The following FCER2 variants were observed in gnomAD, a reference collection of about 807,000 sequenced individuals.
The protein encoded by FCER2 is Fc epsilon receptor II, also known as low affinity immunoglobulin epsilon Fc receptor.
Under a neutral mutation model 49.7 loss-of-function variants are expected in FCER2, and 38 were observed. That is an observed-to-expected ratio of 0.76 (90% confidence interval 0.59 to 1.00). FCER2 has a LOEUF of 1.00. FCER2 is among the 50% of genes least tolerant of loss of function. FCER2 has a pLI of 0.00. For missense variants in FCER2, 425 were observed against 419.5 expected (o/e 1.01, Z -0.11); for synonymous variants, 163 against 164.6 (o/e 0.99, Z 0.07).
At position 7,702,130 on chromosome 19, in the gene FCER2, C is replaced by T. The variant is rs2033165452; in HGVS notation, c.-201G>A. The T allele has an allele frequency of 6.6e-6, 1 of 152,132 alleles. No individual in the cohort carries two copies. The highest frequency in any genetic ancestry group is 2.4e-5 in the African/African-American group (1 of 41,406). 9.4% of individuals were successfully genotyped at this position (152,132 alleles called of 1,614,324 possible). A position where few individuals can be genotyped will look rare whatever the true frequency, so the allele number is the denominator to read the frequency against. ...TAAGCAGGAAGAGAGACACTTTCTT[C>T]TGAAAGTAGAGCCACTGACAGCTTC... On this transcript the variant is annotated 5_prime_UTR_variant, in exon 1 of 11. Transcript: ENST00000597921.
Position 7,696,869 on chromosome 19 carries a change from C to G in FCER2, c.425G>C (p.Arg142Pro). 3 of 1,587,412 alleles carry G rather than the reference C, an allele frequency of 1.9e-6. No homozygotes were observed. Among genetic ancestry groups the G allele is most frequent in the Non-Finnish European group, 2.6e-6 (3 of 1,166,112 alleles). Reference sequence around the variant, plus strand: ...CATCCTTAGCTTTGTCACCTCCTCCCGGAGTCTTTCCAGCAAATCTGAAGC... The same window carrying G: ...CATCCTTAGCTTTGTCACCTCCTCCGGGAGTCTTTCCAGCAAATCTGAAGC... ...NEASDLLERL[R>P]EEVTKLRMEL... Residue 142 changes from arginine to proline, a missense_variant, in exon 8 of 11, where the codon CGG (arginine) becomes CCG (proline). By Grantham distance (103) the Arg-to-Pro change is moderately radical. Transcript: ENST00000597921.
intron 8 of FCER2, among the ~76,000 whole-genome samples, chr19:7,691,552 C>G (rs2032871577): frequency 6.6e-6 from 1 of 152,148 alleles, no homozygotes; most frequent in East Asian, 1.9e-4. Context: ...CCACAGCCAG[C>G]AGCACCTCAG....
At chr19:7,695,621 A>C (rs572625411) in intron 8 of FCER2, among the ~76,000 whole-genome samples, 3 of 151,960 alleles carry the variant, frequency 2.0e-5, no homozygotes, top group Non-Finnish European at 2.9e-5. Flanking sequence ...ACAAAAAATA[A>C]AAAAATTAGC....
chr19:7,693,041 A>G (rs183082798), intron 8 of FCER2, among the ~76,000 whole-genome samples: 1 of 152,266 alleles, frequency 6.6e-6, no homozygotes, highest in East Asian at 1.9e-4. Flanking sequence ...TAACAGAGGT[A>G]CCCACCACCA....
chr19:7,698,966 A>C (rs1466171894), intron 2 of FCER2, 112 bp from the exon 3 acceptor site: 2 of 1,152,876 alleles, frequency 1.7e-6, no homozygotes, highest in East Asian at 2.6e-5. Flanking sequence ...TCCAGAGCCC[A>C]CACTGAAGCA....
At chr19:7,701,069 C>G (rs2033143117) in intron 1 of FCER2, among the ~76,000 whole-genome samples, 1 of 152,182 alleles carries the variant, frequency 6.6e-6, no homozygotes, top group Non-Finnish European at 1.5e-5. Context: ...CTCAGCCTCC[C>G]AAAGTGCTAG....
intron 3 of FCER2, 102 bp from the exon 4 acceptor site, chr19:7,698,511 C>T: frequency 9.6e-7 from 1 of 1,037,302 alleles, no homozygotes; most frequent in Non-Finnish European, 1.5e-6. Flanking sequence ...TGGGTATAAG[C>T]CATGGAGGTG....
At chr19:7,696,983 C>T (rs1418336340) in intron 7 of FCER2, 30 bp downstream of exon 7, 2 of 1,566,018 alleles carry the variant, frequency 1.3e-6, no homozygotes, top group South Asian at 1.2e-5. Flanking sequence ...CGTTCCCTCC[C>T]CCACTGCCCC....
chr19:7,696,360 C>G (rs2146277081), intron 8 of FCER2, among the ~76,000 whole-genome samples: 1 of 152,208 alleles, frequency 6.6e-6, no homozygotes, highest in East Asian at 1.9e-4. Context: ...CTCGACCTCC[C>G]TAAGTGCTGG....
intron 10 of FCER2, among the ~76,000 whole-genome samples, chr19:7,689,812 T>C (rs1044119164): frequency 6.6e-6 from 1 of 151,842 alleles, no homozygotes; most frequent in African/African-American, 2.4e-5. Context: ...TAGAGAGGGG[T>C]TTCGCCATGT....
rs73921522 is a variant in FCER2 at position 7,690,145 on chromosome 19, G to A, written c.728+14C>T. 8,880 of 1,525,216 alleles carry A rather than the reference G, an allele frequency of 5.8e-3. 108 individuals are homozygous for A. The highest frequency in any genetic ancestry group is 0.037 in the Middle Eastern group (216 of 5,870). The allele number at this position is 1,525,216 out of a possible 1,614,324, so 94.5% of individuals were successfully genotyped here. On this transcript the variant is annotated intron_variant, in intron 10 of 10. Transcript: ENST00000597921. Reference sequence around the variant, plus strand: ...TCCATCTCCTCCCCTGGATCCCAGAGGCCCCCTCCTCACCTGTAGTCCACG... The same window carrying A: ...TCCATCTCCTCCCCTGGATCCCAGAAGCCCCCTCCTCACCTGTAGTCCACG...
At chr19:7,698,517 A>G (rs1201937964) in intron 3 of FCER2, 108 bp from the exon 4 acceptor site, 3 of 989,488 alleles carry the variant, frequency 3.0e-6, no homozygotes. Context: ...TAAGCCATGG[A>G]GGTGCTGAAA....
intron 4 of FCER2, 66 bp from the exon 5 acceptor site, chr19:7,697,655 G>T: frequency 1.5e-6 from 2 of 1,347,902 alleles, no homozygotes; most frequent in Non-Finnish European, 2.1e-6. Flanking sequence ...CCCCGCCTAT[G>T]CCCCAGGCTC....
In FCER2 at chr19:7,690,588, C is replaced by T. The variant is rs377616392; in HGVS notation, c.470-31G>A. On this transcript the variant is annotated intron_variant, in intron 8 of 10. Coordinates refer to ENST00000597921, the MANE Select transcript of FCER2 (RefSeq NM_001220500.2). ...GTGGAGGAGAGGCTCGGGGGTGGGG[C>T]CAATGGAAGTGCCTTGGGCACCCTG... The T allele has an allele frequency of 8.7e-6, 14 of 1,605,340 alleles. No homozygotes were observed. In the South Asian group the frequency reaches 1.0e-4, roughly 11 times the overall value.
Position 7,702,027 on chromosome 19 carries a change from G to C in FCER2, c.-98C>G, listed in dbSNP as rs1220533027. The C allele has an allele frequency of 1.3e-5, 2 of 152,102 alleles. No individual in the cohort carries two copies. Among genetic ancestry groups the C allele is most frequent in the African/African-American group, 4.8e-5 (2 of 41,398 alleles). The allele number at this position is 152,102 out of a possible 1,614,324, so 9.4% of individuals were successfully genotyped here. A position where few individuals can be genotyped will look rare whatever the true frequency, so the allele number is the denominator to read the frequency against. The stretch of plus-strand genomic sequence containing the variant: ...ACCAGATACGTACTCACTTAGTGGA[G>C]TTTGGAGCCTGTGTCTGTCCTCCTA... On this transcript the variant is annotated 5_prime_UTR_variant, in exon 1 of 11. Transcript: ENST00000597921.
At position 7,694,401 on chromosome 19, in the gene FCER2, C is replaced by T. The variant is rs544730787; in HGVS notation, c.469+2424G>A. Among the ~76,000 whole-genome samples, 4 of 152,174 alleles carry T rather than the reference C, an allele frequency of 2.6e-5. No homozygotes were observed. The South Asian group carries it at 8.3e-4, about 32-fold the overall frequency. On this transcript the variant is annotated intron_variant, in intron 8 of 10. Coordinates refer to ENST00000597921, the MANE Select transcript of FCER2 (RefSeq NM_001220500.2). ...AACAACAACGACAAAAACCCAAACC[C>T]CAAAACCAGGAAGAGGACATTTCTG...
At chr19:7,691,527 C>T (rs1031925077) in intron 8 of FCER2, among the ~76,000 whole-genome samples, 1 of 151,670 alleles carries the variant, frequency 6.6e-6, no homozygotes, top group Admixed American at 6.6e-5. Flanking sequence ...AACATTATCA[C>T]CCACATCACC....
At chr19:7,694,709 A>G (rs1184203317) in intron 8 of FCER2, among the ~76,000 whole-genome samples, 1 of 152,118 alleles carries the variant, frequency 6.6e-6, no homozygotes, top group African/African-American at 2.4e-5. Context: ...CAAGCACAGA[A>G]ACTTCCTCTT....
At position 7,699,899 on chromosome 19, in the gene FCER2, C is replaced by T. The variant is rs533773452; in HGVS notation, c.-85-54G>A. The T allele has an allele frequency of 2.1e-4, 170 of 791,208 alleles. 1 individual carries two copies. The African/African-American group carries it at 2.5e-3, about 11-fold the overall frequency. 49.0% of individuals were successfully genotyped at this position (791,208 alleles called of 1,614,324 possible). ...TGAGCCATCAAATCCTAGTTACCAG[C>T]ACAGGATAGCATCTGGGACTTGGTG... On this transcript the variant is annotated intron_variant, in intron 1 of 10. Coordinates refer to ENST00000597921, the MANE Select transcript of FCER2 (RefSeq NM_001220500.2).
Sources: gnomAD v4.1 joint callset for allele counts (sites outside exome capture counted in the v4.1 genomes callset) on GRCh38, gnomAD v4.1.1 for gene constraint, MANE v1.5 for transcripts, NCBI Gene and HGNC (gene_info 2026-07-23, HGNC 2026-07-21) for gene names.